GRM7: variants seen among roughly 807,000 people sequenced by gnomAD.
GRM7 encodes the protein metabotropic glutamate receptor 7.
In GRM7, 35 loss-of-function variants were observed where a neutral mutation model predicts 84.5. The ratio of observed to expected loss-of-function variants is 0.41; its 90% CI spans 0.32 to 0.55. GRM7 has a LOEUF of 0.55. Ranked by LOEUF, GRM7 falls within the 20% of genes least tolerant of loss-of-function variation. The probability of loss-of-function intolerance (pLI) is 0.19; values close to 1 mark genes in which losing one functional copy is unlikely to be tolerated. For synonymous variants in GRM7, 487 were observed against 455.1 expected, an observed-to-expected ratio of 1.07 and a Z score of -0.89; for missense variants, 1,003 against 1,194.6, an observed-to-expected ratio of 0.84 and a Z score of 2.36.
intron 7 of GRM7, among the ~76,000 whole-genome samples, chr3:7,565,098 T>C (rs1416782011): frequency 6.6e-6 from 1 of 152,230 alleles, no homozygotes; most frequent in Admixed American, 6.5e-5. Flanking sequence ...ATTCATTATA[T>C]ACATAGATAT....
At chr3:7,487,255 A>G (rs1340362660) in intron 7 of GRM7, among the ~76,000 whole-genome samples, 1 of 152,188 alleles carries the variant, frequency 6.6e-6, no homozygotes, top group Non-Finnish European at 1.5e-5. Context: ...GACAAAGTTT[A>G]TAATTAAAAG....
chr3:7,451,487 C>A (rs1697766253), intron 5 of GRM7, among the ~76,000 whole-genome samples: 1 of 151,954 alleles, frequency 6.6e-6, no homozygotes, highest in South Asian at 2.1e-4. Flanking sequence ...ACAGCATGAG[C>A]AAAGATAGTT....
chr3:7,444,702 C>T (rs1382586728), intron 5 of GRM7, among the ~76,000 whole-genome samples: 3 of 152,096 alleles, frequency 2.0e-5, no homozygotes, highest in Admixed American at 2.0e-4. Flanking sequence ...CCCCACCATC[C>T]ACCCCCTGCT....
intron 9 of GRM7, among the ~76,000 whole-genome samples, chr3:7,724,770 T>C (rs966717120): frequency 2.4e-4 from 36 of 152,124 alleles, no homozygotes; most frequent in African/African-American, 8.7e-4. Flanking sequence ...TGTCTTTTTG[T>C]TTCTTTAGAG....
chr3:7,163,678 T>G (rs1438661398), intron 2 of GRM7, among the ~76,000 whole-genome samples: 1 of 152,094 alleles, frequency 6.6e-6, no homozygotes. Flanking sequence ...GAGGGGATAT[T>G]TAAATAAAGA....
intron 4 of GRM7, among the ~76,000 whole-genome samples, chr3:7,378,160 G>A (rs141229608): frequency 1.1e-4 from 17 of 152,144 alleles, no homozygotes; most frequent in African/African-American, 3.4e-4. Context: ...TGCACAGCCC[G>A]GGAAGAGACA....
intron 8 of GRM7, among the ~76,000 whole-genome samples, chr3:7,625,522 T>C (rs1190328633): frequency 6.6e-6 from 1 of 152,022 alleles, no homozygotes; most frequent in Non-Finnish European, 1.5e-5. Flanking sequence ...ACAGGGACAT[T>C]GGCTGGGCTT....
At chr3:6,938,074 A>G (rs953345269) in intron 1 of GRM7, among the ~76,000 whole-genome samples, 1 of 152,216 alleles carries the variant, frequency 6.6e-6, no homozygotes, top group African/African-American at 2.4e-5. Context: ...TCTGACTCCA[A>G]TGACAACAGC....
rs373111346 is a variant in GRM7, at chr3:7,740,523, C to T, written c.*117C>T. The T allele has an allele frequency of 4.5e-5, 26 of 576,388 alleles. No individual in the cohort carries two copies. The highest frequency in any genetic ancestry group is 7.0e-5 in the Non-Finnish European group (23 of 328,404). The allele number at this position is 576,388 out of a possible 1,614,324, so 35.7% of individuals were successfully genotyped here. ...CCATCACCGGAGGAGCTTCCCCGGC[C>T]GGGAGACCAGTGTTAGAGGATCCAA... On this transcript the variant is annotated 3_prime_UTR_variant, in exon 10 of 10. Coordinates refer to ENST00000357716, the MANE Select transcript of GRM7 (RefSeq NM_000844.4).
intron 2 of GRM7, among the ~76,000 whole-genome samples, chr3:7,149,632 T>C (rs1232233767): frequency 6.6e-6 from 1 of 152,144 alleles, no homozygotes; most frequent in African/African-American, 2.4e-5. Context: ...ATAAGCACAC[T>C]GGTTATGCTG....
chr3:7,353,236 T>C (rs958694006), intron 4 of GRM7, among the ~76,000 whole-genome samples: 1 of 152,040 alleles, frequency 6.6e-6, no homozygotes, highest in African/African-American at 2.4e-5. Flanking sequence ...TGAGGAAGTA[T>C]ACTATACTCG....
chr3:7,317,307 C>G (rs114173429), intron 4 of GRM7, among the ~76,000 whole-genome samples: 5,502 of 147,426 alleles, frequency 0.037, 309 homozygotes, highest in African/African-American at 0.12. Flanking sequence ...TTAAGGAGAA[C>G]TATAGTCATA....
At chr3:7,485,206 G>A (rs1304390359) in intron 7 of GRM7, among the ~76,000 whole-genome samples, 1 of 152,182 alleles carries the variant, frequency 6.6e-6, no homozygotes, top group Non-Finnish European at 1.5e-5. Flanking sequence ...TCCAGAAAAT[G>A]AGAGAAGATA....
intron 1 of GRM7, among the ~76,000 whole-genome samples, chr3:6,945,453 A>G (rs535106034): frequency 6.6e-6 from 1 of 152,202 alleles, no homozygotes; most frequent in East Asian, 1.9e-4. Context: ...TTCTTAATCC[A>G]GTCTATCATT....
At chr3:7,565,031 C>T (rs1694196012) in intron 7 of GRM7, among the ~76,000 whole-genome samples, 1 of 152,132 alleles carries the variant, frequency 6.6e-6, no homozygotes, top group South Asian at 2.1e-4. Flanking sequence ...CTGAGTGCTC[C>T]ATATTTAATT....
At chr3:7,121,990 C>A (rs1228508635) in intron 1 of GRM7, among the ~76,000 whole-genome samples, 2 of 152,200 alleles carry the variant, frequency 1.3e-5, no homozygotes, top group African/African-American at 4.8e-5. Context: ...CACATGCTCA[C>A]TTTCACCTTC....
intron 1 of GRM7, among the ~76,000 whole-genome samples, chr3:7,014,795 G>A (rs556029251): frequency 1.3e-5 from 2 of 152,288 alleles, no homozygotes; most frequent in East Asian, 3.9e-4. Flanking sequence ...CATCAGCTGA[G>A]ATGTTGTAGT....
intron 1 of GRM7, among the ~76,000 whole-genome samples, chr3:7,070,882 C>T (rs1490886210): frequency 2.0e-5 from 3 of 152,112 alleles, no homozygotes; most frequent in Non-Finnish European, 4.4e-5. Flanking sequence ...TCTACTCTAT[C>T]AGCTGGCTCA....
At chr3:7,211,375 AC>A (rs1272954139) in intron 2 of GRM7, among the ~76,000 whole-genome samples, 6 of 152,058 alleles carry the variant, frequency 3.9e-5, no homozygotes, top group Non-Finnish European at 5.9e-5. Flanking sequence ...CTTTAATAGC[AC>A]CCTCTGGGAT....
Sources: gnomAD v4.1 joint callset for allele counts (sites outside exome capture counted in the v4.1 genomes callset) on GRCh38, gnomAD v4.1.1 for gene constraint, MANE v1.5 for transcripts, NCBI Gene and HGNC (gene_info 2026-07-23, HGNC 2026-07-21) for gene names.